The following SEMA3E variants were observed in gnomAD, a reference collection of about 807,000 sequenced individuals.
The protein encoded by SEMA3E is semaphorin 3E.
Under a neutral mutation model 93.6 loss-of-function variants are expected in SEMA3E, and 49 were observed. The ratio of observed to expected loss-of-function variants is 0.52; its 90% CI spans 0.42 to 0.66. The LOEUF is 0.66. Ranked by LOEUF, SEMA3E falls within the 30% of genes least tolerant of loss-of-function variation. SEMA3E has a pLI of 0.00. For missense variants in SEMA3E, 906 were observed against 964.8 expected (o/e 0.94, Z 0.81); for synonymous variants, 363 against 330.7 (o/e 1.10, Z -1.06).
rs1049183299 is a variant in SEMA3E, at chr7:83,418,441, T to C, written c.499A>G (p.Arg167Gly). The change falls in exon 5 of 17, where the codon AGG (arginine) becomes GGG (glycine). Residue 167 changes from arginine to glycine, a missense_variant. Coordinates refer to ENST00000643230, the MANE Select transcript of SEMA3E (RefSeq NM_012431.3). The stretch of plus-strand genomic sequence containing the variant: ...CTGGGGTCAAAAGGACATCTGCCCC[T>C]TCCTCTCTCAGATCTGGGTGATTCC... ...HLESPRSERG[R>G]GRCPFDPSSS... 2.5e-6 allele frequency: 4 copies of C among 1,611,900 alleles called. No homozygotes were observed. The highest frequency in any genetic ancestry group is 2.7e-5 in the African/African-American group (2 of 74,874).
rs547836069 is a variant in SEMA3E at position 83,418,566 on chromosome 7, C to T, written c.457-83G>A. On this transcript the variant is annotated intron_variant, in intron 4 of 16. Transcript: ENST00000643230. ...TCCTTAGGTAAAACATATGAAACTT[C>T]GATTATTTATAAAGCATGTATTCTA... 1.0e-3 allele frequency: 950 copies of T among 936,666 alleles called. 4 individuals are homozygous for T. Among genetic ancestry groups the T allele is most frequent in the Non-Finnish European group, 1.4e-3 (839 of 586,808 alleles). 58.0% of individuals were successfully genotyped at this position (936,666 alleles called of 1,614,324 possible).
intron 1 of SEMA3E, among the ~76,000 whole-genome samples, chr7:83,515,465 T>A (rs769439353): frequency 6.6e-6 from 1 of 152,176 alleles, no homozygotes; most frequent in Non-Finnish European, 1.5e-5. Flanking sequence ...TGCCTTCTCA[T>A]CCATCCTTCC....
chr7:83,414,303 CT>C (rs1260219301), intron 5 of SEMA3E, among the ~76,000 whole-genome samples: 1 of 151,818 alleles, frequency 6.6e-6, no homozygotes, highest in Non-Finnish European at 1.5e-5. Context: ...AGTTTATTCC[CT>C]GAATGCAAAT....
At chr7:83,601,959 A>G (rs978084719) in intron 1 of SEMA3E, among the ~76,000 whole-genome samples, 1 of 152,238 alleles carries the variant, frequency 6.6e-6, no homozygotes, top group African/African-American at 2.4e-5. Flanking sequence ...AAGACAAATA[A>G]TGATGTAATC....
At chr7:83,641,876 A>G (rs1302221455) in intron 1 of SEMA3E, among the ~76,000 whole-genome samples, 1 of 152,250 alleles carries the variant, frequency 6.6e-6, no homozygotes, top group Non-Finnish European at 1.5e-5. Flanking sequence ...TATTCTGCAC[A>G]GTAATCTGCA....
chr7:83,622,153 A>C (rs1793573882), intron 1 of SEMA3E, among the ~76,000 whole-genome samples: 1 of 150,448 alleles, frequency 6.6e-6, no homozygotes, highest in Non-Finnish European at 1.5e-5. Context: ...GAAAAAAAAA[A>C]CACTTAAAAG....
At chr7:83,556,729 C>T (rs550575842) in intron 1 of SEMA3E, among the ~76,000 whole-genome samples, 8 of 152,180 alleles carry the variant, frequency 5.3e-5, no homozygotes, top group African/African-American at 1.9e-4. Context: ...GTGTCCTCTC[C>T]AAAACTTACG....
chr7:83,393,261 T>C lies in SEMA3E; in HGVS notation c.1501-540A>G, dbSNP rs147918433. On this transcript the variant is annotated intron_variant, in intron 13 of 16. Transcript: ENST00000643230. The stretch of plus-strand genomic sequence containing the variant: ...ATAGAAACGGCTGGGTTTATGCCTG[T>C]AGTGGCTTATGCCTGTAATCCCAGC... Among the ~76,000 whole-genome samples, 80 of 152,102 alleles carry C rather than the reference T, an allele frequency of 5.3e-4. No homozygotes were observed. The East Asian group carries it at 6.4e-3, about 12-fold the overall frequency.
chr7:83,444,673 A>AT (rs397952833), intron 4 of SEMA3E, among the ~76,000 whole-genome samples: 2,888 of 142,138 alleles, frequency 0.02, 69 homozygotes, highest in African/African-American at 0.043. Context: ...AATATTCAGC[A>AT]TTTTTTTTTT....
intron 1 of SEMA3E, among the ~76,000 whole-genome samples, chr7:83,529,774 C>A (rs1197863945): frequency 6.6e-6 from 1 of 152,090 alleles, no homozygotes; most frequent in Admixed American, 6.6e-5. Flanking sequence ...ATAGTGCAAA[C>A]TCAACTCTAA....
intron 2 of SEMA3E, among the ~76,000 whole-genome samples, chr7:83,474,331 A>G (rs964261669): frequency 1.3e-5 from 2 of 151,966 alleles, no homozygotes; most frequent in African/African-American, 2.4e-5. Flanking sequence ...TTAATTTATT[A>G]TCATAGAAAC....
Position 83,648,611 on chromosome 7 carries a change from C to T in SEMA3E, c.-69G>A. 1 of 1,152,592 alleles carries T rather than the reference C, an allele frequency of 8.7e-7. No individual in the cohort carries two copies. The highest frequency in any genetic ancestry group is 1.3e-6 in the Non-Finnish European group (1 of 772,592). The allele number at this position is 1,152,592 out of a possible 1,614,324, so 71.4% of individuals were successfully genotyped here. On this transcript the variant is annotated 5_prime_UTR_variant, in exon 1 of 17. Coordinates refer to ENST00000643230, the MANE Select transcript of SEMA3E (RefSeq NM_012431.3). ...AGGGTCTGAGTTTTACTTAGGACTT[C>T]CCTCCAGGGGCAGCGTGCGAGAGGC...
chr7:83,430,235 CGGGT>C (rs1285038953), intron 4 of SEMA3E, among the ~76,000 whole-genome samples: 1 of 151,958 alleles, frequency 6.6e-6, no homozygotes, highest in Non-Finnish European at 1.5e-5. Context: ...GAAGCCGAGG[CGGGT>C]GGATCACTTG....
At chr7:83,493,916 AT>A (rs1305519601) in intron 1 of SEMA3E, among the ~76,000 whole-genome samples, 2 of 151,914 alleles carry the variant, frequency 1.3e-5, no homozygotes, top group Admixed American at 6.6e-5. Context: ...ATAGGTGAAT[AT>A]TTGTGCTTTA....
At chr7:83,455,320 C>T (rs879667505) in intron 4 of SEMA3E, among the ~76,000 whole-genome samples, 14 of 152,174 alleles carry the variant, frequency 9.2e-5, no homozygotes, top group Admixed American at 8.5e-4. Flanking sequence ...GCAGATGGCC[C>T]ACACATTCAT....
intron 1 of SEMA3E, among the ~76,000 whole-genome samples, chr7:83,513,910 T>G (rs1407196387): frequency 6.6e-6 from 1 of 152,146 alleles, no homozygotes; most frequent in Non-Finnish European, 1.5e-5. Context: ...CTAGGTAAGA[T>G]GAGGCTGAAA....
intron 1 of SEMA3E, among the ~76,000 whole-genome samples, chr7:83,512,422 A>G (rs550174398): frequency 6.6e-6 from 1 of 152,326 alleles, no homozygotes; most frequent in South Asian, 2.1e-4. Context: ...AGAACTCTTG[A>G]AATACATGCC....
At chr7:83,418,564 T>G in intron 4 of SEMA3E, 81 bp from the exon 5 acceptor site, 2 of 942,514 alleles carry the variant, frequency 2.1e-6, no homozygotes, top group Non-Finnish European at 3.4e-6. Flanking sequence ...CATATGAAAC[T>G]TCGATTATTT....
intron 2 of SEMA3E, among the ~76,000 whole-genome samples, chr7:83,485,657 TAC>T (rs1490044368): frequency 6.6e-6 from 1 of 152,128 alleles, no homozygotes; most frequent in Non-Finnish European, 1.5e-5. Context: ...AAACAGTATA[TAC>T]AGAATATATA....
Sources: gnomAD v4.1 joint callset for allele counts (sites outside exome capture counted in the v4.1 genomes callset) on GRCh38, gnomAD v4.1.1 for gene constraint, MANE v1.5 for transcripts, NCBI Gene and HGNC (gene_info 2026-07-23, HGNC 2026-07-21) for gene names.